The following TMEM178B variants were observed in gnomAD, a reference collection of about 807,000 sequenced individuals.
TMEM178B encodes transmembrane protein 178B.
A neutral mutation model predicts 31.0 loss-of-function variants in TMEM178B; 5 were observed. The observed-to-expected ratio is 0.16, with a 90% CI of 0.08 to 0.34. TMEM178B has a LOEUF of 0.34. Ranked by LOEUF, TMEM178B falls within the 10% of genes least tolerant of loss-of-function variation. The pLI is 1.00. For missense variants in TMEM178B, 275 were observed against 400.3 expected (o/e 0.69, Z 2.67); for synonymous variants, 164 against 164.0 (o/e 1.00, Z 0.00).
At chr7:141,103,088 T>C (rs1388960742) in intron 1 of TMEM178B, among the ~76,000 whole-genome samples, 1 of 152,170 alleles carries the variant, frequency 6.6e-6, no homozygotes, top group Non-Finnish European at 1.5e-5. Flanking sequence ...TTCGTGTCAT[T>C]TGTGGGTTTT....
chr7:141,129,421 G>A (rs1795558629), intron 1 of TMEM178B, among the ~76,000 whole-genome samples: 1 of 152,134 alleles, frequency 6.6e-6, no homozygotes, highest in Non-Finnish European at 1.5e-5. Context: ...GCTCAGCTCT[G>A]TAGTGAACAG....
At chr7:141,190,558 A>G (rs898338069) in intron 1 of TMEM178B, among the ~76,000 whole-genome samples, 1 of 151,460 alleles carries the variant, frequency 6.6e-6, no homozygotes, top group African/African-American at 2.4e-5. Flanking sequence ...TGATCCTCCC[A>G]CCTCGGCCTC....
chr7:141,500,223 A>G, the TMEM178B span, among the ~76,000 whole-genome samples: 7 of 152,216 alleles, frequency 4.6e-5, no homozygotes, highest in Non-Finnish European at 1.0e-4. Context: ...TCAGGGATAC[A>G]CAAGATACGA....
chr7:141,124,056 G>A (rs909467453), intron 1 of TMEM178B, among the ~76,000 whole-genome samples: 1 of 152,002 alleles, frequency 6.6e-6, no homozygotes, highest in East Asian at 2.0e-4. Flanking sequence ...TCCCAGGCCT[G>A]AACACTCTGT....
At chr7:141,190,713 T>C (rs1452069800) in intron 1 of TMEM178B, among the ~76,000 whole-genome samples, 1 of 152,212 alleles carries the variant, frequency 6.6e-6, no homozygotes, top group Non-Finnish European at 1.5e-5. Flanking sequence ...CACACCATGG[T>C]AAAGTTGAAC....
At chr7:141,135,992 C>T (rs1193132622) in intron 1 of TMEM178B, among the ~76,000 whole-genome samples, 1 of 151,406 alleles carries the variant, frequency 6.6e-6, no homozygotes, top group Non-Finnish European at 1.5e-5. Context: ...AAGAGAAGAC[C>T]CATATAAATA....
In TMEM178B at chr7:141,344,909, A is replaced by G. The variant is rs529235207; in HGVS notation, c.497-92699A>G. ...TGGTCTTGGTTGTAAAGTGACAGAA[A>G]TGAACAGGACCACATCTCTGATGCT... is the stretch of plus-strand genomic sequence containing the variant. On this transcript the variant is annotated intron_variant, in intron 2 of 3. Transcript: ENST00000565468. The surrounding 1 kb of genome is among the most constrained non-coding windows in gnomAD (Gnocchi z 4.1). Among the ~76,000 whole-genome samples, 7 of 152,350 alleles carry G rather than the reference A, an allele frequency of 4.6e-5. No individual in the cohort carries two copies. The highest frequency in any genetic ancestry group is 1.4e-4 in the African/African-American group (6 of 41,578).
Position 141,443,105 on chromosome 7 carries a change from CTGTT to C in TMEM178B, c.634+5367_634+5370del, listed in dbSNP as rs1441073467. ...CTTCCATCTCTGACCTCTAGACCCTCTGTTTGTTTGATTTTTAATAGACCTTATT... is the reference window on the plus strand; with the variant it reads ...CTTCCATCTCTGACCTCTAGACCCTCTGTTTGATTTTTAATAGACCTTATT... On this transcript the variant is annotated intron_variant, in intron 3 of 3. Coordinates refer to ENST00000565468, the MANE Select transcript of TMEM178B (RefSeq NM_001195278.2). Among the ~76,000 whole-genome samples the C allele has an allele frequency of 3.3e-5, 5 of 152,198 alleles. No individual in the cohort carries two copies. The East Asian group carries it at 7.7e-4, about 23-fold the overall frequency.
downstream of TMEM178B, among the ~76,000 whole-genome samples, chr7:141,482,625 C>A (rs932622886): frequency 6.6e-6 from 1 of 152,144 alleles, no homozygotes; most frequent in Non-Finnish European, 1.5e-5. Flanking sequence ...AGACCACGCT[C>A]GGATTCAATG....
intron 1 of TMEM178B, among the ~76,000 whole-genome samples, chr7:141,170,810 A>G (rs529997520): frequency 6.6e-6 from 1 of 152,310 alleles, no homozygotes; most frequent in Admixed American, 6.5e-5. Context: ...CCTGTTGGTC[A>G]GGTCTTCATT....
In TMEM178B at chr7:141,472,958, G is replaced by A. The variant is rs149493463; in HGVS notation, c.*2172G>A. On this transcript the variant is annotated 3_prime_UTR_variant, in exon 4 of 4. Transcript: ENST00000565468. ...GTGCCCTACTCAAGACTTCCTTACC[G>A]GGGACTCTGGTCAGCTTCTGCAAAA... 6.6e-5 allele frequency: 10 copies of A among 152,214 alleles called. No individual in the cohort carries two copies. The highest frequency in any genetic ancestry group is 1.7e-4 in the African/African-American group (7 of 41,510). 9.4% of individuals were successfully genotyped at this position (152,214 alleles called of 1,614,324 possible). A position where few individuals can be genotyped will look rare whatever the true frequency, so the allele number is the denominator to read the frequency against.
intron 2 of TMEM178B, among the ~76,000 whole-genome samples, chr7:141,271,530 G>T (rs894874504): frequency 6.6e-6 from 1 of 152,058 alleles, no homozygotes; most frequent in East Asian, 1.9e-4. Context: ...TATTGATCGT[G>T]GTCCCTTTTC....
chr7:141,336,210 C>G (rs1281775042), intron 2 of TMEM178B, among the ~76,000 whole-genome samples: 3 of 152,132 alleles, frequency 2.0e-5, no homozygotes, highest in Non-Finnish European at 4.4e-5. Context: ...TTTACCCACC[C>G]TGGCCACTCT....
intron 3 of TMEM178B, among the ~76,000 whole-genome samples, chr7:141,442,167 G>A (rs1000775805): frequency 4.6e-5 from 7 of 152,086 alleles, no homozygotes; most frequent in South Asian, 2.1e-4. Flanking sequence ...TCGTGGATAC[G>A]GATCCCCAAG....
intron 1 of TMEM178B, among the ~76,000 whole-genome samples, chr7:141,201,959 T>A (rs115422415): frequency 0.016 from 2,406 of 152,330 alleles, 66 homozygotes; most frequent in African/African-American, 0.055. Context: ...TTTTGACATG[T>A]GTGGCAGGCG....
At chr7:141,203,028 G>A (rs2129186558) in intron 1 of TMEM178B, among the ~76,000 whole-genome samples, 1 of 152,288 alleles carries the variant, frequency 6.6e-6, no homozygotes, top group Middle Eastern at 3.4e-3. Flanking sequence ...AGACTCCTGT[G>A]TTCCTCCACC....
At chr7:141,182,252 A>G (rs926045989) in intron 1 of TMEM178B, among the ~76,000 whole-genome samples, 14 of 152,146 alleles carry the variant, frequency 9.2e-5, no homozygotes, top group African/African-American at 3.4e-4. Flanking sequence ...GAAGGCCTGC[A>G]TAACTAAGGA....
intron 1 of TMEM178B, among the ~76,000 whole-genome samples, chr7:141,120,853 G>T (rs971034081): frequency 6.6e-6 from 1 of 151,832 alleles, no homozygotes; most frequent in Non-Finnish European, 1.5e-5. Flanking sequence ...GGCTGCTTCA[G>T]GGATCAGAGG....
chr7:141,181,036 T>A (rs1796519719), intron 1 of TMEM178B, among the ~76,000 whole-genome samples: 1 of 152,084 alleles, frequency 6.6e-6, no homozygotes, highest in South Asian at 2.1e-4. Context: ...ATCTCTCCAT[T>A]CCTCATGTGC....
Sources: allele counts gnomAD v4.1 joint callset (sites outside exome capture counted in the v4.1 genomes callset), GRCh38; gene constraint gnomAD v4.1.1; non-coding constraint Gnocchi (gnomAD v3.1); transcripts MANE v1.5; gene names NCBI Gene and HGNC (gene_info 2026-07-23, HGNC 2026-07-21).